The following LRRC38 variants were observed in gnomAD, a reference collection of about 807,000 sequenced individuals.
LRRC38 encodes leucine-rich repeat-containing protein 38.
In LRRC38, 5 loss-of-function variants were observed where a neutral mutation model predicts 16.4. The observed-to-expected ratio is 0.31, with a 90% CI of 0.16 to 0.64. The LOEUF is 0.64. Among genes scored for constraint, LRRC38 ranks in the 30% least tolerant of loss-of-function variants. The pLI is 0.80. For synonymous variants in LRRC38, 191 were observed against 190.2 expected (o/e 1.00, Z -0.04); for missense variants, 341 against 401.8 (o/e 0.85, Z 1.29).
At chr1:13,484,084 G>C (rs936031682) in intron 1 of LRRC38, among the ~76,000 whole-genome samples, 2 of 151,904 alleles carry the variant, frequency 1.3e-5, no homozygotes, top group Non-Finnish European at 2.9e-5. Context: ...TCCACAGCCC[G>C]CATCACCCCT....
At chr1:13,511,008 C>T (rs890715719) in intron 1 of LRRC38, among the ~76,000 whole-genome samples, 3 of 152,258 alleles carry the variant, frequency 2.0e-5, no homozygotes, top group East Asian at 1.9e-4. Flanking sequence ...CTGTGAGGTG[C>T]CCTGGAGCTG....
At chr1:13,496,421 C>T (rs772775712) in intron 1 of LRRC38, among the ~76,000 whole-genome samples, 5 of 152,164 alleles carry the variant, frequency 3.3e-5, no homozygotes, top group Non-Finnish European at 7.3e-5. Flanking sequence ...AATCTTCCCG[C>T]CTCAGCCTCC....
chr1:13,482,502 C>A, intron 1 of LRRC38, among the ~76,000 whole-genome samples: 1 of 151,860 alleles, frequency 6.6e-6, no homozygotes, highest in Non-Finnish European at 1.5e-5. Context: ...ATTTCTTGAG[C>A]CCCAGAGGCA....
At chr1:13,481,003 T>A (rs1638846972) in intron 1 of LRRC38, among the ~76,000 whole-genome samples, 1 of 152,074 alleles carries the variant, frequency 6.6e-6, no homozygotes, top group Non-Finnish European at 1.5e-5. Context: ...CCAGAATGTA[T>A]ATGTGGAAGC....
intron 1 of LRRC38, among the ~76,000 whole-genome samples, chr1:13,493,308 C>T (rs759182056): frequency 7.1e-5 from 10 of 140,316 alleles, no homozygotes; most frequent in Non-Finnish European, 1.2e-4. Flanking sequence ...GGTTGTGGTA[C>T]GGGGAAGTGA....
chr1:13,499,465 CT>C (rs1639121219), intron 1 of LRRC38, among the ~76,000 whole-genome samples: 1 of 152,210 alleles, frequency 6.6e-6, no homozygotes, highest in African/African-American at 2.4e-5. Context: ...CATGTGTGAA[CT>C]TGGGGGTAAC....
In LRRC38 at chr1:13,513,471, G is replaced by A. The variant is rs1639301537; in HGVS notation, c.123C>T (p.Asp41=). The A allele has an allele frequency of 6.5e-7, 1 of 1,544,966 alleles. No individual in the cohort carries two copies. The highest frequency in any genetic ancestry group is 8.7e-7 in the Non-Finnish European group (1 of 1,144,058). ...CGCTGGGCAGCCCGCGGTCGCGGCA[G>A]TCCACGGTGTGCGGGTCGGTGCAGG... ...GCACTDPHTV[D]CRDRGLPSVP... The change falls in exon 1 of 2, where the codon GAC becomes GAT. Residue 41 remains aspartate (D), a synonymous_variant. Coordinates refer to ENST00000376085, the MANE Select transcript of LRRC38 (RefSeq NM_001010847.2).
chr1:13,505,828 G>T (rs562881145), intron 1 of LRRC38, among the ~76,000 whole-genome samples: 2 of 151,766 alleles, frequency 1.3e-5, no homozygotes, highest in African/African-American at 2.4e-5. Context: ...GCAAGTTCAG[G>T]GGCTCCGGCT....
At chr1:13,501,460 G>A (rs1639148111) in intron 1 of LRRC38, among the ~76,000 whole-genome samples, 1 of 151,180 alleles carries the variant, frequency 6.6e-6, no homozygotes, top group African/African-American at 2.5e-5. Flanking sequence ...CCAGGCTGGG[G>A]TGCAGTAGAG....
rs1045511849 is a variant in LRRC38, at chr1:13,513,699, G to C, written c.-106C>G. On this transcript the variant is annotated 5_prime_UTR_variant, in exon 1 of 2. Transcript: ENST00000376085. ...ACTGGCTGCCGGGCGCGGGGAGCCA[G>C]AGGGCGGCCCGGGCGGGGAGGGCGT... The C allele has an allele frequency of 1.3e-6, 1 of 753,490 alleles. No homozygotes were observed. The highest frequency in any genetic ancestry group is 1.6e-6 in the Non-Finnish European group (1 of 614,536). The allele number at this position is 753,490 out of a possible 1,614,324, so 46.7% of individuals were successfully genotyped here.
chr1:13,489,542 T>C (rs1185742765), intron 1 of LRRC38, among the ~76,000 whole-genome samples: 1 of 152,000 alleles, frequency 6.6e-6, no homozygotes, highest in East Asian at 1.9e-4. Context: ...ACTCCCTGTG[T>C]AGTGCTCTTC....
In LRRC38 at chr1:13,486,711, C is replaced by T. The variant is rs562248615; in HGVS notation, c.632-10612G>A. Among the ~76,000 whole-genome samples, 7 of 152,090 alleles carry T rather than the reference C, an allele frequency of 4.6e-5. No homozygotes were observed. The South Asian group carries it at 1.2e-3, about 27-fold the overall frequency. The stretch of plus-strand genomic sequence containing the variant: ...GTTCAACCGATCTTCCCACCTCAGC[C>T]TCTCAAGTAACTGGGGTTACAGGCA... On this transcript the variant is annotated intron_variant, in intron 1 of 1. Transcript: ENST00000376085.
chr1:13,476,060 C>T lies in LRRC38; in HGVS notation c.671G>A (p.Arg224Lys), dbSNP rs779880664. 1.1e-4 allele frequency: 164 copies of T among 1,550,474 alleles called. No homozygotes were observed. The highest frequency in any genetic ancestry group is 1.4e-4 in the Non-Finnish European group (155 of 1,146,998). ...EIQCSLPMES[R>K]RISLRELSEA... Reference sequence around the variant, plus strand: ...CGACAGCTCACGCAGGGATATCCTCCTGCTCTCCATGGGCAGGGAGCACTG... The same window carrying T: ...CGACAGCTCACGCAGGGATATCCTCTTGCTCTCCATGGGCAGGGAGCACTG... The change falls in exon 2 of 2, where the codon AGG (arginine) becomes AAG (lysine). Residue 224 changes from arginine to lysine, a missense_variant. Coordinates refer to ENST00000376085, the MANE Select transcript of LRRC38 (RefSeq NM_001010847.2).
chr1:13,510,287 G>A (rs1055148408), intron 1 of LRRC38, among the ~76,000 whole-genome samples: 3 of 152,170 alleles, frequency 2.0e-5, no homozygotes, highest in African/African-American at 7.2e-5. Flanking sequence ...TCACGGAGGA[G>A]GTACTGGGAG....
At chr1:13,506,334 C>T (rs551969957) in intron 1 of LRRC38, among the ~76,000 whole-genome samples, 3 of 152,324 alleles carry the variant, frequency 2.0e-5, no homozygotes, top group East Asian at 1.9e-4. Context: ...GGGATGCACT[C>T]GGCTGGGATC....
At chr1:13,488,266 CT>C (rs113805396) in intron 1 of LRRC38, among the ~76,000 whole-genome samples, 10,119 of 140,208 alleles carry the variant, frequency 0.072, 352 homozygotes, top group Middle Eastern at 0.12. Context: ...GCCTTGCACA[CT>C]TTTTTTTTTT....
chr1:13,505,094 A>T (rs1194420234), intron 1 of LRRC38, among the ~76,000 whole-genome samples: 1 of 152,170 alleles, frequency 6.6e-6, no homozygotes, highest in South Asian at 2.1e-4. Context: ...CTGTGAATTG[A>T]TAAGCAAAGC....
chr1:13,503,972 A>G (rs925410003), intron 1 of LRRC38, among the ~76,000 whole-genome samples: 1 of 152,214 alleles, frequency 6.6e-6, no homozygotes, highest in Non-Finnish European at 1.5e-5. Flanking sequence ...GAGCCGGCCA[A>G]GAGCCGCTGG....
chr1:13,510,031 G>A (rs1266402073), intron 1 of LRRC38, among the ~76,000 whole-genome samples: 1 of 152,148 alleles, frequency 6.6e-6, no homozygotes, highest in African/African-American at 2.4e-5. Flanking sequence ...TGGTTCTCAG[G>A]TGACGCTTTG....
Sources: allele counts gnomAD v4.1 joint callset (sites outside exome capture counted in the v4.1 genomes callset), GRCh38; gene constraint gnomAD v4.1.1; transcripts MANE v1.5; gene names NCBI Gene and HGNC (gene_info 2026-07-23, HGNC 2026-07-21).